Variants in PALM2AKAP2 observed in about 807,000 individuals in gnomAD.
PALM2AKAP2 encodes PALM2 and AKAP2 fusion, also known as PALM2-AKAP2 fusion protein.
A neutral mutation model predicts 71.5 loss-of-function variants in PALM2AKAP2; 37 were observed. That is an observed-to-expected ratio of 0.52 (90% CI 0.40 to 0.68). PALM2AKAP2 has a LOEUF of 0.68. Among genes scored for constraint, PALM2AKAP2 ranks in the 30% least tolerant of loss-of-function variants. The pLI, the probability that PALM2AKAP2 is intolerant of heterozygous loss-of-function variation, is 0.00. For missense variants in PALM2AKAP2, 1,224 were observed against 1,191.8 expected, an observed-to-expected ratio of 1.03 and a Z score of -0.40; for synonymous variants, 468 against 478.8, an observed-to-expected ratio of 0.98 and a Z score of 0.29.
intron 6 of PALM2AKAP2, among the ~76,000 whole-genome samples, chr9:109,998,426 A>G (rs774492258): frequency 9.9e-5 from 15 of 152,120 alleles, no homozygotes; most frequent in Admixed American, 5.9e-4. Context: ...GACGAGAATA[A>G]TCAGGATGGA....
At chr9:109,822,960 C>T (rs888748659) in intron 1 of PALM2AKAP2, among the ~76,000 whole-genome samples, 6 of 152,020 alleles carry the variant, frequency 3.9e-5, no homozygotes, top group African/African-American at 7.3e-5. Flanking sequence ...TGCCATAGTC[C>T]GCCTCTGTAT....
intron 1 of PALM2AKAP2, among the ~76,000 whole-genome samples, chr9:109,687,106 T>C (rs1028112162): frequency 1.3e-5 from 2 of 152,186 alleles, no homozygotes; most frequent in African/African-American, 4.8e-5. Context: ...GTTCCAAGTC[T>C]TTGCTATTGT....
chr9:109,906,499 A>G (rs554921927), intron 3 of PALM2AKAP2, among the ~76,000 whole-genome samples: 1 of 152,232 alleles, frequency 6.6e-6, no homozygotes, highest in South Asian at 2.1e-4. Context: ...GTGCCCAGCA[A>G]TAGTTTTACA....
intron 6 of PALM2AKAP2, among the ~76,000 whole-genome samples, chr9:109,989,445 T>C (rs1221037809): frequency 6.6e-6 from 1 of 152,250 alleles, no homozygotes; most frequent in Non-Finnish European, 1.5e-5. Flanking sequence ...GTGATCAAGA[T>C]GGTAAGTCCT....
chr9:109,859,497 A>T (rs1311487932), intron 1 of PALM2AKAP2, among the ~76,000 whole-genome samples: 1 of 152,250 alleles, frequency 6.6e-6, no homozygotes, highest in African/African-American at 2.4e-5. Flanking sequence ...CCTGGTTATT[A>T]TACATCCTAT....
chr9:109,992,615 A>G (rs1338686857), intron 6 of PALM2AKAP2, among the ~76,000 whole-genome samples: 7 of 152,188 alleles, frequency 4.6e-5, no homozygotes, highest in African/African-American at 1.2e-4. Flanking sequence ...TTTTTGAGGA[A>G]CACAATTCAA....
At chr9:109,702,752 TAA>T (rs566421995) in intron 1 of PALM2AKAP2, among the ~76,000 whole-genome samples, 1 of 139,568 alleles carries the variant, frequency 7.2e-6, no homozygotes, top group Non-Finnish European at 1.6e-5. Context: ...GGTATAATAA[TAA>T]AAAAAAAAAA....
chr9:110,166,730 G>T (rs1347724475), intron 3 of PALM2AKAP2, among the ~76,000 whole-genome samples: 1 of 152,186 alleles, frequency 6.6e-6, no homozygotes, highest in African/African-American at 2.4e-5. Context: ...AAGATATGTT[G>T]AAGCTCTGGG....
chr9:109,805,772 C>G (rs1827555381), intron 1 of PALM2AKAP2, among the ~76,000 whole-genome samples: 1 of 152,184 alleles, frequency 6.6e-6, no homozygotes, highest in South Asian at 2.1e-4. Context: ...ACCGGGTGAC[C>G]TGTACCACCT....
chr9:109,993,303 A>C, intron 6 of PALM2AKAP2, among the ~76,000 whole-genome samples: 1 of 151,960 alleles, frequency 6.6e-6, no homozygotes, highest in South Asian at 2.1e-4. Context: ...TCTTCTGCAT[A>C]GTGTTTCCAC....
chr9:110,077,581 G>C (rs75443874), intron 1 of PALM2AKAP2, among the ~76,000 whole-genome samples: 2,032 of 152,254 alleles, frequency 0.013, 37 homozygotes, highest in African/African-American at 0.047. Context: ...AGGATATCCA[G>C]TGACTGTTCC....
chr9:110,145,860 A>G (rs985408103), intron 2 of PALM2AKAP2, among the ~76,000 whole-genome samples: 1 of 138,804 alleles, frequency 7.2e-6, no homozygotes, highest in Non-Finnish European at 1.6e-5. Context: ...GACAACTGCC[A>G]TGGTTAAACC....
intron 1 of PALM2AKAP2, among the ~76,000 whole-genome samples, chr9:109,756,298 C>T (rs1164756489): frequency 1.3e-5 from 2 of 152,274 alleles, no homozygotes; most frequent in South Asian, 4.1e-4. Context: ...ATGAACATTT[C>T]TCTCGTGTCT....
At chr9:109,732,306 TG>T (rs1216874461) in intron 1 of PALM2AKAP2, among the ~76,000 whole-genome samples, 1 of 152,220 alleles carries the variant, frequency 6.6e-6, no homozygotes, top group Non-Finnish European at 1.5e-5. Flanking sequence ...GCACCAGCTT[TG>T]GAGTCAAACA....
chr9:109,666,302 T>C (rs1201771577), intron 1 of PALM2AKAP2, among the ~76,000 whole-genome samples: 1 of 152,174 alleles, frequency 6.6e-6, no homozygotes, highest in Admixed American at 6.5e-5. Flanking sequence ...TCGGAGCTGT[T>C]CCTATTCGGC....
chr9:110,160,949 G>T (rs967477080), intron 3 of PALM2AKAP2, among the ~76,000 whole-genome samples: 3 of 152,174 alleles, frequency 2.0e-5, no homozygotes, highest in Middle Eastern at 3.2e-3. Flanking sequence ...CGTCAAAGCT[G>T]AGAGTTCCTG....
chr9:110,149,822 C>T (rs1836267143), intron 2 of PALM2AKAP2, among the ~76,000 whole-genome samples: 2 of 152,200 alleles, frequency 1.3e-5, no homozygotes, highest in Non-Finnish European at 2.9e-5. Context: ...CATTATCTTA[C>T]AGCTTTAGAA....
chr9:110,107,388 T>C (rs999658052), intron 1 of PALM2AKAP2, among the ~76,000 whole-genome samples: 1 of 152,178 alleles, frequency 6.6e-6, no homozygotes, highest in Non-Finnish European at 1.5e-5. Flanking sequence ...AAGTAAATTT[T>C]AGAAATAAGA....
chr9:109,916,967 A>G (rs1830707853), intron 3 of PALM2AKAP2, among the ~76,000 whole-genome samples: 1 of 152,266 alleles, frequency 6.6e-6, no homozygotes, highest in Non-Finnish European at 1.5e-5. Flanking sequence ...GGTAGGTTCC[A>G]TGGCAAAGAG....
Sources: allele counts gnomAD v4.1 joint callset (sites outside exome capture counted in the v4.1 genomes callset), GRCh38; gene constraint gnomAD v4.1.1; transcripts MANE v1.5; gene names NCBI Gene and HGNC (gene_info 2026-07-23, HGNC 2026-07-21).